RPN2: variants seen among roughly 807,000 people sequenced by gnomAD.
The protein encoded by RPN2 is dolichyl-diphosphooligosaccharide--protein glycosyltransferase subunit 2.
Under a neutral mutation model 71.4 loss-of-function variants are expected in RPN2, and 29 were observed. The ratio of observed to expected loss-of-function variants is 0.41; its 90% confidence interval spans 0.30 to 0.55. The LOEUF (loss-of-function observed/expected upper bound fraction) is 0.55, where lower values mean the gene tolerates loss of function less well. Ranked by LOEUF, RPN2 falls within the 20% of genes least tolerant of loss-of-function variation. The pLI, the probability that RPN2 is intolerant of heterozygous loss-of-function variation, is 0.35. For synonymous variants in RPN2, 308 were observed against 305.0 expected, an observed-to-expected ratio of 1.01 and a Z score of -0.10; for missense variants, 726 against 774.1, an observed-to-expected ratio of 0.94 and a Z score of 0.74.
At chr20:37,206,727 C>T (rs1327529537) in intron 6 of RPN2, among the ~76,000 whole-genome samples, 1 of 151,290 alleles carries the variant, frequency 6.6e-6, no homozygotes, top group Non-Finnish European at 1.5e-5. Context: ...ATTTTTTTTT[C>T]AGACAGAGTC....
At chr20:37,179,521 C>T (rs139023241) in intron 1 of RPN2, 152 bp downstream of exon 1, 12 of 1,403,300 alleles carry the variant, frequency 8.6e-6, no homozygotes, top group African/African-American at 3.0e-5. Flanking sequence ...ATCGAGGGTC[C>T]GAAGGAGGGC....
At chr20:37,233,937 G>A in intron 14 of RPN2, 83 bp from the exon 15 acceptor site, 1 of 1,472,864 alleles carries the variant, frequency 6.8e-7, no homozygotes, top group Admixed American at 1.7e-5. Context: ...TGGGGCTGTT[G>A]ATGGGATTAG....
chr20:37,229,824 C>T (rs2146686362), intron 12 of RPN2, 149 bp from the exon 13 acceptor site: 1 of 702,346 alleles, frequency 1.4e-6, no homozygotes, highest in East Asian at 2.6e-5. Flanking sequence ...TTTACTGCCT[C>T]AATTTGTCAG....
chr20:37,234,092 G>A lies in RPN2; in HGVS notation c.1750G>A (p.Ala584Thr), dbSNP rs979568926. Residue 584 changes from alanine (A) to threonine (T), a missense_variant, in exon 15 of 17, where the codon GCT becomes ACT. Physicochemically the swap from Ala to Thr is moderately conservative, Grantham distance 58. Coordinates refer to ENST00000237530, the MANE Select transcript of RPN2 (RefSeq NM_002951.5). ...PSTIIFHLGH[A>T]AMLGLMYVYW... ...CACGATTATATTTCACCTGGGACAT[G>A]CTGGTAAGTGCCCCAGGCTGCTAAT... 6.2e-7 allele frequency: 1 copy of A among 1,614,144 alleles called. No individual in the cohort carries two copies. The highest frequency in any genetic ancestry group is 8.5e-7 in the Non-Finnish European group (1 of 1,179,996).
chr20:37,234,686 T>TTG (rs922316947), intron 15 of RPN2, among the ~76,000 whole-genome samples: 3 of 8,280 alleles, frequency 3.6e-4, no homozygotes, highest in African/African-American at 9.9e-4. Context: ...TTGTTCGTTG[T>TTG]TTTTTTTTTT....
At chr20:37,236,357 G>A (rs2068392160) in intron 15 of RPN2, among the ~76,000 whole-genome samples, 1 of 152,308 alleles carries the variant, frequency 6.6e-6, no homozygotes, top group African/African-American at 2.4e-5. Flanking sequence ...AAAATGTTGG[G>A]ATTACAGGTG....
chr20:37,223,439 G>T (rs974887848), intron 9 of RPN2, among the ~76,000 whole-genome samples: 1 of 152,154 alleles, frequency 6.6e-6, no homozygotes, highest in African/African-American at 2.4e-5. Context: ...GTACCTTACA[G>T]AATTGTGAGG....
intron 15 of RPN2, among the ~76,000 whole-genome samples, chr20:37,236,122 G>T (rs2068381235): frequency 1.2e-5 from 1 of 82,998 alleles, no homozygotes; most frequent in African/African-American, 4.5e-5. Context: ...TTGAGACGAG[G>T]TATCACTGTC....
At chr20:37,179,575 T>A in intron 1 of RPN2, 1 of 1,311,468 alleles carries the variant, frequency 7.6e-7, no homozygotes, top group Non-Finnish European at 1.0e-6. Flanking sequence ...GGTTGGTGCC[T>A]GGGGGAGGGG....
At chr20:37,227,545 T>A (rs1196643536) in intron 11 of RPN2, among the ~76,000 whole-genome samples, 2 of 152,248 alleles carry the variant, frequency 1.3e-5, no homozygotes, top group African/African-American at 4.8e-5. Flanking sequence ...TTTCCCTAAA[T>A]GCTTTGGTGG....
intron 2 of RPN2, among the ~76,000 whole-genome samples, chr20:37,196,338 C>T (rs1478269121): frequency 1.3e-5 from 2 of 152,176 alleles, no homozygotes. Context: ...ACATCAGTCT[C>T]CCGCCTCAAG....
At chr20:37,225,530 C>G (rs757545452) in intron 10 of RPN2, among the ~76,000 whole-genome samples, 158 bp from the exon 11 acceptor site, 1 of 152,184 alleles carries the variant, frequency 6.6e-6, no homozygotes. Flanking sequence ...TCCAATTTGC[C>G]CCCAGGTTGC....
At chr20:37,190,005 T>C (rs2268041) in intron 2 of RPN2, among the ~76,000 whole-genome samples, 116,857 of 152,044 alleles carry the variant, frequency 0.77, 45,373 homozygotes, top group Middle Eastern at 0.89. Flanking sequence ...AGGTTTTGTA[T>C]TGTGAGGTAT....
rs561818581 is a variant in RPN2 at position 37,207,179 on chromosome 20, C to T, written c.691-94C>T. The T allele has an allele frequency of 3.0e-6, 3 of 1,013,848 alleles. No individual in the cohort carries two copies. In the South Asian group the frequency reaches 3.8e-5, roughly 13 times the overall value. 62.8% of individuals were successfully genotyped at this position (1,013,848 alleles called of 1,614,324 possible). A position where few individuals can be genotyped will look rare whatever the true frequency, so the allele number is the denominator to read the frequency against. On this transcript the variant is annotated intron_variant, in intron 6 of 16. Coordinates refer to ENST00000237530, the MANE Select transcript of RPN2 (RefSeq NM_002951.5). ...ACCAAAAGACCTCCCATGTGAACAC[C>T]CGAAACAGATAAGGGTGACTTTCCT... is the stretch of plus-strand genomic sequence containing the variant.
In RPN2 at chr20:37,179,336, C is replaced by T. The variant is rs1328084199; in HGVS notation, c.-21C>T. 17 of 1,425,690 alleles carry T rather than the reference C, an allele frequency of 1.2e-5. No homozygotes were observed. The highest frequency in any genetic ancestry group is 8.6e-5 in the East Asian group (3 of 34,728). 88.3% of individuals were successfully genotyped at this position (1,425,690 alleles called of 1,614,324 possible). On this transcript the variant is annotated 5_prime_UTR_variant, in exon 1 of 17. Coordinates refer to ENST00000237530, the MANE Select transcript of RPN2 (RefSeq NM_002951.5). ...GGAAGTCAGCCCGCGGCTCGGACTC[C>T]GGCGGGACCTGCTCGGAGGAATGGC...
intron 2 of RPN2, among the ~76,000 whole-genome samples, chr20:37,193,757 C>T (rs568077809): frequency 1.3e-5 from 2 of 152,212 alleles, no homozygotes; most frequent in East Asian, 1.9e-4. Context: ...GGAAAGATCA[C>T]GAATTTGGTC....
chr20:37,184,060 G>A, intron 1 of RPN2, 120 bp from the exon 2 acceptor site: 1 of 1,210,802 alleles, frequency 8.3e-7, no homozygotes. Flanking sequence ...TTAAACCCCT[G>A]GATTCCCTCG....
At chr20:37,183,245 T>A (rs2066925117) in intron 1 of RPN2, among the ~76,000 whole-genome samples, 1 of 152,140 alleles carries the variant, frequency 6.6e-6, no homozygotes, top group African/African-American at 2.4e-5. Flanking sequence ...GACGGAGTTT[T>A]GCTCTTGTCA....
intron 9 of RPN2, among the ~76,000 whole-genome samples, chr20:37,216,818 G>A (rs555763296): frequency 4.6e-5 from 7 of 151,860 alleles, no homozygotes; most frequent in Admixed American, 2.0e-4. Context: ...TTAAGGCTTC[G>A]GTCTATCTGA....
Sources: gnomAD v4.1 joint callset for allele counts (sites outside exome capture counted in the v4.1 genomes callset) on GRCh38, gnomAD v4.1.1 for gene constraint, MANE v1.5 for transcripts, NCBI Gene and HGNC (gene_info 2026-07-23, HGNC 2026-07-21) for gene names.